The following ADGRF4 variants were observed in gnomAD, a reference collection of about 807,000 sequenced individuals.
The protein encoded by ADGRF4 is adhesion G protein-coupled receptor F4.
A neutral mutation model predicts 58.5 loss-of-function variants in ADGRF4; 63 were observed. That is an observed-to-expected ratio of 1.08 (90% confidence interval 0.88 to 1.33). The LOEUF is 1.33. Among genes scored for constraint, ADGRF4 ranks in the 40% most tolerant of loss-of-function variants. The pLI is 0.00. For missense variants in ADGRF4, 931 were observed against 843.9 expected, an observed-to-expected ratio of 1.10 and a Z score of -1.28; for synonymous variants, 313 against 295.4, an observed-to-expected ratio of 1.06 and a Z score of -0.61.
intron 4 of ADGRF4, 93 bp from the exon 5 acceptor site, chr6:47,712,264 C>T (rs1187106404): frequency 2.4e-6 from 3 of 1,276,030 alleles, no homozygotes; most frequent in East Asian, 2.3e-5. Flanking sequence ...TCTCCATCTA[C>T]CTTACCCATG....
chr6:47,713,796 A>G lies in ADGRF4; in HGVS notation c.553-2A>G. On this transcript the variant is annotated splice_acceptor_variant, in intron 5 of 9. Transcript: ENST00000283303. LOFTEE classifies it high-confidence loss of function. ...TATAATGTTCACCTTTCTCCATTGC[A>G]GAGCTATAGTGAAGTGGCCAACCAC... 6.6e-7 allele frequency: 1 copy of G among 1,524,314 alleles called. No individual in the cohort carries two copies. Among genetic ancestry groups the G allele is most frequent in the Non-Finnish European group, 8.8e-7 (1 of 1,138,018 alleles). The allele number at this position is 1,524,314 out of a possible 1,614,324, so 94.4% of individuals were successfully genotyped here.
rs767571297 is a variant in ADGRF4, at chr6:47,717,336, A to C, written c.2019A>C (p.Lys673Asn). 1 of 1,611,828 alleles carries C rather than the reference A, an allele frequency of 6.2e-7. No homozygotes were observed. The highest frequency in any genetic ancestry group is 8.5e-7 in the Non-Finnish European group (1 of 1,177,874). ...TGAGGATGTCTTCACTGAAGGGGAA[A>C]TCGAGGGCAGCTGAGGTAAGCCTTC... ...LRMRMSSLKG[K>N]SRAAENASLG... The change falls in exon 8 of 10, where the codon AAA becomes AAC. Residue 673 changes from lysine to asparagine, a missense_variant. Coordinates refer to ENST00000283303, the MANE Select transcript of ADGRF4 (RefSeq NM_153838.5).
At chr6:47,700,714 A>C (rs550694727) in intron 1 of ADGRF4, among the ~76,000 whole-genome samples, 1 of 152,306 alleles carries the variant, frequency 6.6e-6, no homozygotes, top group South Asian at 2.1e-4. Flanking sequence ...CATCTACTTA[A>C]GTCACCAGGT....
chr6:47,716,598 A>G (rs1340893640), intron 6 of ADGRF4, among the ~76,000 whole-genome samples: 4 of 152,174 alleles, frequency 2.6e-5, no homozygotes, highest in Admixed American at 2.6e-4. Context: ...CCTCCTGCAC[A>G]TTCCTTTGTG....
chr6:47,712,329 T>C, intron 4 of ADGRF4, 28 bp from the exon 5 acceptor site: 1 of 1,610,090 alleles, frequency 6.2e-7, no homozygotes, highest in African/African-American at 1.3e-5. Flanking sequence ...TAATCATTTT[T>C]GAATGAAACT....
In ADGRF4 at chr6:47,714,589, G is replaced by T. The variant is rs774036315; in HGVS notation, c.1344G>T (p.Val448=). 2.5e-6 allele frequency: 4 copies of T among 1,614,136 alleles called. No homozygotes were observed. Among genetic ancestry groups the T allele is most frequent in the Non-Finnish European group, 3.4e-6 (4 of 1,180,010 alleles). ...ACGTGTGCATCGTGAATATAGCAGT[G>T]TCCCTTCTGACTGCCAATGTGTGGT... ...MRHVCIVNIA[V]SLLTANVWFI... Residue 448 remains valine, a synonymous_variant, in exon 6 of 10, where the codon GTG becomes GTT. Coordinates refer to ENST00000283303, the MANE Select transcript of ADGRF4 (RefSeq NM_153838.5).
At chr6:47,700,873 T>C (rs746295715) in intron 1 of ADGRF4, among the ~76,000 whole-genome samples, 1 of 152,266 alleles carries the variant, frequency 6.6e-6, no homozygotes, top group African/African-American at 2.4e-5. Context: ...AAATGTTTAC[T>C]GAGTGTCTAT....
At position 47,718,432 on chromosome 6, in the gene ADGRF4, G is replaced by A. The variant is rs147432918; in HGVS notation, c.2078G>A (p.Arg693His). 270 of 1,576,788 alleles carry A rather than the reference G, an allele frequency of 1.7e-4. No homozygotes were observed. The African/African-American group carries it at 2.9e-3, about 17-fold the overall frequency. ...GPTNGSKLMN[R>H]QG ...ACCAATGGATCTAAATTAATGAATC[G>A]TCAAGGATGAAATGTGAGTATTAAA... Residue 693 changes from arginine to histidine, a missense_variant, in exon 9 of 10, where the codon CGT becomes CAT. Coordinates refer to ENST00000283303, the MANE Select transcript of ADGRF4 (RefSeq NM_153838.5).
At chr6:47,704,738 TG>T (rs1314453207) in intron 1 of ADGRF4, among the ~76,000 whole-genome samples, 2 of 152,138 alleles carry the variant, frequency 1.3e-5, no homozygotes, top group African/African-American at 4.8e-5. Flanking sequence ...ATAAAAATAT[TG>T]GATATATCAG....
At chr6:47,702,839 A>G (rs1771619998) in intron 1 of ADGRF4, among the ~76,000 whole-genome samples, 1 of 152,250 alleles carries the variant, frequency 6.6e-6, no homozygotes, top group Non-Finnish European at 1.5e-5. Context: ...TATGCCTGGA[A>G]CAAGTCTGGA....
chr6:47,710,349 C>T (rs1381472926), intron 3 of ADGRF4, among the ~76,000 whole-genome samples: 6 of 152,158 alleles, frequency 3.9e-5, no homozygotes, highest in Non-Finnish European at 7.3e-5. Context: ...GACTCCTGCT[C>T]TATCTTATCA....
rs756831866 is a variant in ADGRF4, at chr6:47,714,701, T to C, written c.1456T>C (p.Ser486Pro). Residue 486 changes from serine to proline, a missense_variant, in exon 6 of 10, where the codon TCT becomes CCT. Physicochemically the swap from Ser to Pro is moderately conservative, Grantham distance 74 (BLOSUM62 -1). Transcript: ENST00000283303. ...VTFFSHFFYL[S>P]LFFWMLFKAL... ...ATTTTTCAGCCACTTTTTCTACCTC[T>C]CTCTGTTTTTCTGGATGCTCTTCAA... The C allele has an allele frequency of 6.2e-7, 1 of 1,614,098 alleles. No individual in the cohort carries two copies. The highest frequency in any genetic ancestry group is 8.5e-7 in the Non-Finnish European group (1 of 1,179,966).
chr6:47,700,130 T>C (rs1167827747), intron 1 of ADGRF4, among the ~76,000 whole-genome samples: 1 of 152,190 alleles, frequency 6.6e-6, no homozygotes, highest in East Asian at 1.9e-4. Flanking sequence ...AGGAACCCTT[T>C]GGGAAAGTAT....
intron 3 of ADGRF4, among the ~76,000 whole-genome samples, chr6:47,709,056 G>T (rs1036364159): frequency 5.3e-5 from 8 of 152,166 alleles, no homozygotes; most frequent in Non-Finnish European, 7.3e-5. Context: ...TACAAACAAG[G>T]TTTGATGCAA....
rs760691886 is a variant in ADGRF4, at chr6:47,710,707, C to T, written c.149-28C>T. The T allele has an allele frequency of 4.6e-6, 7 of 1,525,096 alleles. No homozygotes were observed. In the Admixed American group the frequency reaches 9.0e-5, roughly 20 times the overall value. 94.5% of individuals were successfully genotyped at this position (1,525,096 alleles called of 1,614,324 possible). On this transcript the variant is annotated intron_variant, in intron 3 of 9. Transcript: ENST00000283303. ...GGAAATCCTAATTGGGCTCCTGTCT[C>T]TCTCTCTTTCTCTTTTTTTCTTTAT...
At chr6:47,715,999 T>TAA (rs1554135348) in intron 6 of ADGRF4, among the ~76,000 whole-genome samples, 87,014 of 150,442 alleles carry the variant, frequency 0.58, 25,932 homozygotes, top group Middle Eastern at 0.69. Flanking sequence ...TTTTTTTTTT[T>TAA]ATCAAAGACT....
intron 1 of ADGRF4, among the ~76,000 whole-genome samples, chr6:47,704,939 G>GT (rs893640840): frequency 1.3e-5 from 2 of 151,884 alleles, no homozygotes; most frequent in East Asian, 1.9e-4. Context: ...TTTTGTTTTT[G>GT]TTTTTTTGTG....
intron 9 of ADGRF4, among the ~76,000 whole-genome samples, chr6:47,720,318 G>A (rs1242978860): frequency 6.6e-6 from 1 of 152,138 alleles, no homozygotes; most frequent in Non-Finnish European, 1.5e-5. Flanking sequence ...ACGAGGGAAG[G>A]CAGTGTTCCA....
chr6:47,714,686 C>T lies in ADGRF4; in HGVS notation c.1441C>T (p.His481Tyr), dbSNP rs1771965433. 1.9e-6 allele frequency: 3 copies of T among 1,614,010 alleles called. No individual in the cohort carries two copies. The highest frequency in any genetic ancestry group is 2.2e-5 in the South Asian group (2 of 91,068). ...GTGTGTTGCAGTGACATTTTTCAGC[C>T]ACTTTTTCTACCTCTCTCTGTTTTT... The part of the protein sequence containing the change: ...NMCVAVTFFS[H>Y]FFYLSLFFWM... The change falls in exon 6 of 10, where the codon CAC becomes TAC. Residue 481 changes from histidine (H) to tyrosine (Y), a missense_variant. Physicochemically the swap from His to Tyr is moderately conservative, Grantham distance 83 (BLOSUM62 2). Transcript: ENST00000283303.
Sources: gnomAD v4.1 joint callset for allele counts (sites outside exome capture counted in the v4.1 genomes callset) on GRCh38, gnomAD v4.1.1 for gene constraint, MANE v1.5 for transcripts, NCBI Gene and HGNC (gene_info 2026-07-23, HGNC 2026-07-21) for gene names.